Variants in PDE4D observed in about 807,000 individuals in gnomAD.
PDE4D encodes the protein phosphodiesterase 4D, also known as 3',5'-cyclic-AMP phosphodiesterase 4D.
PDE4D carries 24 observed loss-of-function variants against 87.4 expected under a neutral mutation model. The ratio of observed to expected loss-of-function variants is 0.27; its 90% CI spans 0.20 to 0.39. The LOEUF is 0.39. Among genes scored for constraint, PDE4D ranks in the 10% least tolerant of loss-of-function variants. PDE4D has a pLI of 1.00. For synonymous variants in PDE4D, 384 were observed against 383.2 expected, an observed-to-expected ratio of 1.00 and a Z score of -0.02; for missense variants, 714 against 1,041.0, an observed-to-expected ratio of 0.69 and a Z score of 4.32.
intron 3 of PDE4D, among the ~76,000 whole-genome samples, chr5:59,968,560 T>C (rs186847364): frequency 2.6e-5 from 4 of 152,270 alleles, no homozygotes; most frequent in Admixed American, 2.0e-4. Context: ...AATACCCATA[T>C]ATCTAAAATA....
In PDE4D at chr5:59,461,842, A is replaced by C. The variant is rs144890997; in HGVS notation, c.456-245874T>G. 4.0e-3 allele frequency among the ~76,000 whole-genome samples: 605 copies of C among 152,272 alleles called. 8 individuals are homozygous for C. The highest frequency in any genetic ancestry group is 0.014 in the African/African-American group (569 of 41,552). On this transcript the variant is annotated intron_variant, in intron 1 of 14. Transcript: ENST00000340635. ...CTAGTTGTCCTTTCCATAGGCTCTC[A>C]GTAGAAAGGGACTCCTTCTACTCAT...
chr5:59,933,509 TCCTA>T (rs2152790876), intron 3 of PDE4D, among the ~76,000 whole-genome samples: 1 of 152,298 alleles, frequency 6.6e-6, no homozygotes, highest in East Asian at 1.9e-4. Context: ...AGAGCAGGGC[TCCTA>T]CTATGTGCCA....
At chr5:60,520,451 GGT>G (rs1255475605) in intron 1 of PDE4D, among the ~76,000 whole-genome samples, 2 of 152,170 alleles carry the variant, frequency 1.3e-5, no homozygotes, top group Non-Finnish European at 2.9e-5. Flanking sequence ...TCCTCACTTT[GGT>G]GGGAGACTTC....
At chr5:60,337,380 T>C (rs1189516644) in intron 1 of PDE4D, among the ~76,000 whole-genome samples, 7,104 of 118,092 alleles carry the variant, frequency 0.06, 874 homozygotes, top group African/African-American at 0.24. Flanking sequence ...TATATATATA[T>C]ATATATATAC....
chr5:59,123,444 T>C (rs969733647), intron 5 of PDE4D, among the ~76,000 whole-genome samples: 1 of 152,254 alleles, frequency 6.6e-6, no homozygotes, highest in Non-Finnish European at 1.5e-5. Context: ...CCTTTCATAA[T>C]CTGCCGTTTA....
At chr5:60,122,118 C>T (rs773209910) in intron 2 of PDE4D, among the ~76,000 whole-genome samples, 10 of 152,200 alleles carry the variant, frequency 6.6e-5, no homozygotes, top group Non-Finnish European at 1.2e-4. Context: ...TTGGGCACCT[C>T]TGCTGCTTTG....
chr5:59,767,900 C>A (rs980674288), intron 1 of PDE4D, among the ~76,000 whole-genome samples: 2 of 152,136 alleles, frequency 1.3e-5, no homozygotes, highest in African/African-American at 4.8e-5. Context: ...GTTGGGGAAG[C>A]TGGCAGGGAA....
chr5:59,588,710 G>C (rs1825537975), intron 1 of PDE4D, among the ~76,000 whole-genome samples: 1 of 152,164 alleles, frequency 6.6e-6, no homozygotes, highest in Admixed American at 6.5e-5. Flanking sequence ...GGAGGAAGAA[G>C]AACTGGGTGA....
chr5:60,415,082 C>T (rs1339491790), intron 1 of PDE4D, among the ~76,000 whole-genome samples: 2 of 152,234 alleles, frequency 1.3e-5, no homozygotes, highest in Non-Finnish European at 2.9e-5. Context: ...GAAGTCCAAA[C>T]CTTTAAAGTG....
chr5:60,372,066 A>G (rs1253157446), intron 1 of PDE4D, among the ~76,000 whole-genome samples: 5 of 151,740 alleles, frequency 3.3e-5, no homozygotes, highest in Non-Finnish European at 5.9e-5. Context: ...TACTGAATCT[A>G]CCCATTTACA....
chr5:59,287,530 A>G (rs755117110), intron 1 of PDE4D, among the ~76,000 whole-genome samples: 1 of 152,140 alleles, frequency 6.6e-6, no homozygotes, highest in Non-Finnish European at 1.5e-5. Context: ...TGGCTTTACC[A>G]CCTGCTGATT....
At chr5:59,847,330 TACAATATTTTA>T (rs1407355997) in intron 1 of PDE4D, among the ~76,000 whole-genome samples, 2 of 152,058 alleles carry the variant, frequency 1.3e-5, no homozygotes, top group Non-Finnish European at 2.9e-5. Flanking sequence ...AGGTTGGATC[TACAATATTTTA>T]AAATGCTATA....
intron 5 of PDE4D, among the ~76,000 whole-genome samples, chr5:59,135,124 A>G (rs1246616109): frequency 6.6e-6 from 1 of 152,128 alleles, no homozygotes; most frequent in Non-Finnish European, 1.5e-5. Flanking sequence ...CACCTCACCA[A>G]ATGTCCCTGA....
intron 1 of PDE4D, among the ~76,000 whole-genome samples, chr5:59,403,757 C>G (rs969568877): frequency 6.6e-6 from 1 of 152,148 alleles, no homozygotes; most frequent in Non-Finnish European, 1.5e-5. Flanking sequence ...GTGAATAGTG[C>G]TACAATAAAT....
At chr5:59,706,089 A>G (rs555377525) in intron 1 of PDE4D, among the ~76,000 whole-genome samples, 5 of 152,278 alleles carry the variant, frequency 3.3e-5, no homozygotes, top group South Asian at 2.1e-4. Context: ...TTATGTTTTC[A>G]AGAATGACAA....
At chr5:59,962,145 T>TAAATC (rs913499961) in intron 3 of PDE4D, among the ~76,000 whole-genome samples, 21 of 152,166 alleles carry the variant, frequency 1.4e-4, no homozygotes, top group Admixed American at 1.2e-3. Context: ...GCCAAGTGGT[T>TAAATC]AAATCAATAG....
intron 1 of PDE4D, among the ~76,000 whole-genome samples, chr5:59,307,992 A>C (rs553857621): frequency 3.2e-4 from 48 of 152,218 alleles, no homozygotes; most frequent in Non-Finnish European, 5.0e-4. Flanking sequence ...CTGGATTAAG[A>C]AAATGTGGCA....
intron 2 of PDE4D, among the ~76,000 whole-genome samples, chr5:60,129,787 C>T (rs913697733): frequency 2.0e-5 from 3 of 152,162 alleles, no homozygotes; most frequent in African/African-American, 7.2e-5. Flanking sequence ...GGTTTCCTGA[C>T]TTTCTTTTTT....
intron 5 of PDE4D, among the ~76,000 whole-genome samples, chr5:59,162,367 TCA>T (rs1781229917): frequency 6.6e-6 from 1 of 152,036 alleles, no homozygotes; most frequent in Admixed American, 6.5e-5. Context: ...AGTTACCAGT[TCA>T]CAGACAGTTA....
Sources: allele counts gnomAD v4.1 joint callset (sites outside exome capture counted in the v4.1 genomes callset), GRCh38; gene constraint gnomAD v4.1.1; transcripts MANE v1.5; gene names NCBI Gene and HGNC (gene_info 2026-07-23, HGNC 2026-07-21).